Variants in PDE8B observed in about 807,000 individuals in gnomAD.
PDE8B encodes phosphodiesterase 8B, also known as high affinity cAMP-specific and IBMX-insensitive 3',5'-cyclic phosphodiesterase 8B.
Under a neutral mutation model 101.3 loss-of-function variants are expected in PDE8B, and 26 were observed. The ratio of observed to expected loss-of-function variants is 0.26; its 90% CI spans 0.19 to 0.36. PDE8B has a LOEUF of 0.36. Among genes scored for constraint, PDE8B ranks in the 10% least tolerant of loss-of-function variants. The pLI, the probability that PDE8B is intolerant of heterozygous loss-of-function variation, is 1.00. For missense variants in PDE8B, 810 were observed against 1,163.1 expected, an observed-to-expected ratio of 0.70 and a Z score of 4.42; for synonymous variants, 424 against 429.3, an observed-to-expected ratio of 0.99 and a Z score of 0.15.
intron 11 of PDE8B, among the ~76,000 whole-genome samples, chr5:77,401,223 G>A (rs918220412): frequency 4.6e-5 from 7 of 152,146 alleles, no homozygotes; most frequent in Non-Finnish European, 8.8e-5. Context: ...AACAGGCTGG[G>A]ATAACATAAT....
Position 77,281,270 on chromosome 5 carries a change from A to G in PDE8B, c.340-30724A>G, listed in dbSNP as rs534535272. 7.2e-5 allele frequency among the ~76,000 whole-genome samples: 11 copies of G among 152,334 alleles called. No individual in the cohort carries two copies. In the East Asian group the frequency reaches 2.1e-3, roughly 29 times the overall value. On this transcript the variant is annotated intron_variant, in intron 1 of 21. Transcript: ENST00000264917. ...CTTCCAGCGTCCCTCCCCGAGGCCTAGATTCTGTTGTCTGGATGCCTAGCT... is the reference window on the plus strand; with the variant it reads ...CTTCCAGCGTCCCTCCCCGAGGCCTGGATTCTGTTGTCTGGATGCCTAGCT...
chr5:77,340,165 G>A (rs1342537173), intron 6 of PDE8B, among the ~76,000 whole-genome samples: 1 of 152,176 alleles, frequency 6.6e-6, no homozygotes, highest in East Asian at 1.9e-4. Flanking sequence ...GCTATTGTTT[G>A]ATTCATTAGT....
At position 77,378,048 on chromosome 5, in the gene PDE8B, A is replaced by ACC. The variant is rs67676530; in HGVS notation, c.1168-22196_1168-22195dup. On this transcript the variant is annotated intron_variant, in intron 10 of 21. Coordinates refer to ENST00000264917, the MANE Select transcript of PDE8B (RefSeq NM_003719.5). ...CACACACACACACACACACACACAC[A>ACC]CCCCCTGTTGGTTCTTTGTCTAGAG... Among the ~76,000 whole-genome samples, 18 of 93,952 alleles carry ACC rather than the reference A, an allele frequency of 1.9e-4. No homozygotes were observed. In the South Asian group the frequency reaches 2.4e-3, roughly 13 times the overall value. 61.6% of individuals were successfully genotyped at this position (93,952 alleles called of 152,430 possible).
At chr5:77,128,931 T>C in the PDE8B span, among the ~76,000 whole-genome samples, 2 of 152,210 alleles carry the variant, frequency 1.3e-5, no homozygotes, top group African/African-American at 4.8e-5. Flanking sequence ...ACAAGAAACC[T>C]GGCTAAAGAT....
intron 2 of PDE8B, among the ~76,000 whole-genome samples, chr5:77,323,881 C>T (rs1488223256): frequency 2.0e-5 from 3 of 152,088 alleles, no homozygotes; most frequent in Non-Finnish European, 2.9e-5. Context: ...ATCACTTGAA[C>T]CTGGGAGGTG....
chr5:77,359,262 A>C (rs529635882), intron 10 of PDE8B, among the ~76,000 whole-genome samples: 22 of 152,198 alleles, frequency 1.4e-4, no homozygotes, highest in Non-Finnish European at 3.1e-4. Context: ...GGAGGTGATC[A>C]TGCCAGGCTC....
rs544724336 is a variant in PDE8B at position 77,426,764 on chromosome 5, A to G, written c.*210A>G. 9 of 550,866 alleles carry G rather than the reference A, an allele frequency of 1.6e-5. No individual in the cohort carries two copies. Among genetic ancestry groups the G allele is most frequent in the African/African-American group, 1.1e-4 (6 of 52,632 alleles). 34.1% of individuals were successfully genotyped at this position (550,866 alleles called of 1,614,324 possible). A position where few individuals can be genotyped will look rare whatever the true frequency, so the allele number is the denominator to read the frequency against. On this transcript the variant is annotated 3_prime_UTR_variant, in exon 22 of 22. Coordinates refer to ENST00000264917, the MANE Select transcript of PDE8B (RefSeq NM_003719.5). ...AAATATATGTTCTTTTGAATACTTA[A>G]TGACAGAACAAATACTTGGCAAACT...
Position 77,426,638 on chromosome 5 carries a change from G to T in PDE8B, c.*84G>T. 1.3e-6 allele frequency: 1 copy of T among 755,508 alleles called. No homozygotes were observed. The highest frequency in any genetic ancestry group is 1.5e-5 in the South Asian group (1 of 68,718). The allele number at this position is 755,508 out of a possible 1,614,324, so 46.8% of individuals were successfully genotyped here. ...TAAACGAGAGGCCTTCCTTTCTAAT[G>T]ACAATGACAGGTATTGGTGAAGGAG... On this transcript the variant is annotated 3_prime_UTR_variant, in exon 22 of 22. Transcript: ENST00000264917.
At chr5:77,198,521 A>G in the PDE8B span, among the ~76,000 whole-genome samples, 6 of 152,196 alleles carry the variant, frequency 3.9e-5, no homozygotes, top group East Asian at 1.9e-4. Context: ...CGGTGAAACC[A>G]CTGTGCTCTG....
chr5:77,316,270 G>A (rs941870613), intron 2 of PDE8B, among the ~76,000 whole-genome samples: 5 of 152,118 alleles, frequency 3.3e-5, no homozygotes, highest in Non-Finnish European at 7.3e-5. Flanking sequence ...GTCTTGTTCT[G>A]TCACCCAGGC....
the PDE8B span, chr5:77,092,491 G>A: frequency 6.6e-6 from 1 of 152,038 alleles, no homozygotes; most frequent in Non-Finnish European, 1.5e-5. Context: ...AATTTTCACA[G>A]GAGGATCTCA....
intron 3 of PDE8B, 128 bp from the exon 4 acceptor site, chr5:77,328,868 CTG>C (rs1257709103): frequency 2.6e-6 from 2 of 757,320 alleles, no homozygotes; most frequent in South Asian, 1.5e-5. Flanking sequence ...GTTGTCTTCT[CTG>C]TGTTTTGAGA....
Position 77,210,863 on chromosome 5 carries a change from C to A in PDE8B, c.-63C>A, listed in dbSNP as rs1489119763. On this transcript the variant is annotated 5_prime_UTR_variant, in exon 1 of 22. Coordinates refer to ENST00000264917, the MANE Select transcript of PDE8B (RefSeq NM_003719.5). This position sits in a 1 kb window ranked among gnomAD's most constrained non-coding sequence, Gnocchi z 4.9. ...GCCGCCCCCTCACTGCAGGTGGCAG[C>A]GGGTGCGCTGGGTCCCGGCGGCCGC... 197 of 1,168,572 alleles carry A rather than the reference C, an allele frequency of 1.7e-4. No homozygotes were observed. Among genetic ancestry groups the A allele is most frequent in the Non-Finnish European group, 2.0e-4 (187 of 951,558 alleles). The allele number at this position is 1,168,572 out of a possible 1,614,324, so 72.4% of individuals were successfully genotyped here. A position where few individuals can be genotyped will look rare whatever the true frequency, so the allele number is the denominator to read the frequency against.
intron 1 of PDE8B, among the ~76,000 whole-genome samples, chr5:77,240,311 G>T (rs1049955240): frequency 6.6e-6 from 1 of 152,070 alleles, no homozygotes; most frequent in Non-Finnish European, 1.5e-5. Flanking sequence ...CCGCCACCGC[G>T]CCCGGCTACT....
At chr5:77,270,479 A>G (rs1396868063) in intron 1 of PDE8B, among the ~76,000 whole-genome samples, 1 of 152,142 alleles carries the variant, frequency 6.6e-6, no homozygotes, top group African/African-American at 2.4e-5. Context: ...TCTAGCTGGT[A>G]ATTCCCCATA....
intron 2 of PDE8B, among the ~76,000 whole-genome samples, chr5:77,312,618 G>A (rs1772919698): frequency 6.6e-6 from 1 of 152,232 alleles, no homozygotes; most frequent in African/African-American, 2.4e-5. Context: ...TCTTGGCTCT[G>A]CCTTTAATCA....
intron 1 of PDE8B, among the ~76,000 whole-genome samples, chr5:77,273,141 ATTAGT>A (rs1343714206): frequency 6.6e-6 from 1 of 152,208 alleles, no homozygotes; most frequent in Non-Finnish European, 1.5e-5. Context: ...GTTTTAGCTT[ATTAGT>A]GTGTCTCTGT....
the PDE8B span, chr5:77,141,153 GTA>G: frequency 6.6e-6 from 1 of 152,052 alleles, no homozygotes; most frequent in Non-Finnish European, 1.5e-5. Flanking sequence ...TTGGGAATTG[GTA>G]TATGTTTGTT....
At chr5:77,129,833 G>T in the PDE8B span, among the ~76,000 whole-genome samples, 1 of 152,098 alleles carries the variant, frequency 6.6e-6, no homozygotes, top group South Asian at 2.1e-4. Context: ...TACACTGTTT[G>T]ACGTGCACAT....
Sources: allele counts gnomAD v4.1 joint callset (sites outside exome capture counted in the v4.1 genomes callset), GRCh38; gene constraint gnomAD v4.1.1; non-coding constraint Gnocchi (gnomAD v3.1); transcripts MANE v1.5; gene names NCBI Gene and HGNC (gene_info 2026-07-23, HGNC 2026-07-21).